Variants in KCNN2 observed in about 807,000 individuals in gnomAD.
KCNN2 encodes potassium calcium-activated channel subfamily N member 2, also known as small conductance calcium-activated potassium channel protein 2.
In KCNN2, 24 loss-of-function variants were observed where a neutral mutation model predicts 55.5. The ratio of observed to expected loss-of-function variants is 0.43; its 90% CI spans 0.31 to 0.61. The LOEUF is 0.61. KCNN2 is among the 20% of genes least tolerant of loss of function. The pLI is 0.08. For synonymous variants in KCNN2, 431 were observed against 336.1 expected (o/e 1.28, Z -3.09); for missense variants, 754 against 853.6 (o/e 0.88, Z 1.45).
intron 2 of KCNN2, among the ~76,000 whole-genome samples, chr5:114,331,567 C>T (rs535480003): frequency 1.3e-5 from 2 of 152,302 alleles, no homozygotes; most frequent in African/African-American, 4.8e-5. Context: ...GCAGAATGCA[C>T]TATGCAAATT....
At chr5:114,232,938 T>TTTTTTTTTTTTTTTTTA (rs1399367540) in intron 2 of KCNN2, among the ~76,000 whole-genome samples, 1 of 116,998 alleles carries the variant, frequency 8.5e-6, no homozygotes, top group East Asian at 2.9e-4. Flanking sequence ...TTTTTTTTTT[T>TTTTTTTTTTTTTTTTTA]GAGACGGAGT....
intron 1 of KCNN2, 79 bp from the exon 2 acceptor site, chr5:114,363,827 G>A: frequency 1.0e-6 from 1 of 963,172 alleles, no homozygotes. Context: ...ACCTGTGGGG[G>A]ACTGACTGAC....
Position 114,373,640 on chromosome 5 carries a change from T to TTATATATATATATATATATATATATA in KCNN2, c.1218+9657_1218+9658insTATATATATATATATATATATATATA, listed in dbSNP as rs61356539. Among the ~76,000 whole-genome samples the TTATATATATATATATATATATATATA allele has an allele frequency of 3.6e-3, 204 of 56,650 alleles. 33 individuals carry two copies. Among genetic ancestry groups the TTATATATATATATATATATATATATA allele is most frequent in the East Asian group, 0.018 (13 of 732 alleles). 37.2% of individuals were successfully genotyped at this position (56,650 alleles called of 152,430 possible). On this transcript the variant is annotated intron_variant, in intron 2 of 7. Transcript: ENST00000673685. ...CTCTCATGGTGTTGTTATGAAGATT[T>TTATATATATATATATATATATATATA]TATATATATATATATATAAAATTAC...
intron 1 of KCNN2, among the ~76,000 whole-genome samples, chr5:114,117,036 A>G (rs971525386): frequency 1.2e-4 from 19 of 152,234 alleles, no homozygotes; most frequent in African/African-American, 4.6e-4. Flanking sequence ...GACCTTCACA[A>G]TGGTAGACAT....
chr5:114,201,600 C>A (rs752022631), intron 1 of KCNN2, among the ~76,000 whole-genome samples: 2 of 152,126 alleles, frequency 1.3e-5, no homozygotes, highest in African/African-American at 2.4e-5. Context: ...CTTGACCAAG[C>A]AATGGCTGTG....
chr5:114,252,309 A>C lies in KCNN2; in HGVS notation c.-185+30744A>C, dbSNP rs974765975. Among the ~76,000 whole-genome samples the C allele has an allele frequency of 3.3e-5, 5 of 152,240 alleles. No homozygotes were observed. The South Asian group carries it at 6.2e-4, about 19-fold the overall frequency. On this transcript the variant is annotated intron_variant, in intron 2 of 10. Transcript: ENST00000512097. ...TATAATAAAAATATAGTAAAGTAAT[A>C]GAATACAGAGAAACTTATATGAAGA...
intron 1 of KCNN2, among the ~76,000 whole-genome samples, chr5:114,099,661 AT>A (rs1215557196): frequency 2.0e-5 from 3 of 152,058 alleles, no homozygotes; most frequent in Non-Finnish European, 4.4e-5. Context: ...TTCACTTCAT[AT>A]TTAGAGTTCA....
intron 1 of KCNN2, among the ~76,000 whole-genome samples, chr5:114,096,033 T>G (rs766595116): frequency 1.3e-5 from 2 of 152,126 alleles, no homozygotes; most frequent in Middle Eastern, 6.4e-3. Flanking sequence ...TGCCATACCT[T>G]GAAGTCCCCT....
At chr5:114,341,891 G>A (rs574185585) in intron 2 of KCNN2, among the ~76,000 whole-genome samples, 31 of 149,796 alleles carry the variant, frequency 2.1e-4, no homozygotes, top group African/African-American at 7.4e-4. Flanking sequence ...ACACTAGAAA[G>A]TTTTCATAAT....
chr5:114,468,222 G>T (rs1482913182), intron 4 of KCNN2, among the ~76,000 whole-genome samples: 1 of 152,098 alleles, frequency 6.6e-6, no homozygotes, highest in African/African-American at 2.4e-5. Context: ...AGGAAACCTT[G>T]TAAAACTCCA....
intron 1 of KCNN2, among the ~76,000 whole-genome samples, chr5:114,123,180 C>G (rs1318752937): frequency 1.3e-5 from 2 of 152,098 alleles, no homozygotes; most frequent in African/African-American, 4.8e-5. Context: ...CTCTAATTCA[C>G]TGTAATTTTT....
intron 2 of KCNN2, among the ~76,000 whole-genome samples, chr5:114,302,340 C>T (rs1329126100): frequency 1.3e-5 from 2 of 152,048 alleles, no homozygotes; most frequent in Non-Finnish European, 2.9e-5. Context: ...TTTGTTCATT[C>T]CAAAGACATT....
At chr5:114,367,529 A>T (rs1037452673) in intron 2 of KCNN2, among the ~76,000 whole-genome samples, 7 of 152,208 alleles carry the variant, frequency 4.6e-5, no homozygotes, top group Non-Finnish European at 7.3e-5. Flanking sequence ...GACAAAAGAA[A>T]ACATAATAGC....
At chr5:114,476,594 A>G (rs1336061617) in intron 5 of KCNN2, among the ~76,000 whole-genome samples, 1 of 151,890 alleles carries the variant, frequency 6.6e-6, no homozygotes, top group Middle Eastern at 3.4e-3. Flanking sequence ...AATTTTTTGT[A>G]TTTTTAGTGG....
intron 1 of KCNN2, among the ~76,000 whole-genome samples, chr5:114,116,444 A>G (rs1751709859): frequency 1.3e-5 from 2 of 152,144 alleles, no homozygotes; most frequent in Admixed American, 6.5e-5. Context: ...CTCCTTATTA[A>G]CATTGATTTT....
chr5:114,278,994 C>G (rs946599184), intron 2 of KCNN2, among the ~76,000 whole-genome samples: 1 of 143,622 alleles, frequency 7.0e-6, no homozygotes, highest in African/African-American at 2.6e-5. Context: ...CCTGTTTGGC[C>G]TTCTTGGAAG....
At chr5:114,423,992 A>C (rs1759544732) in intron 3 of KCNN2, among the ~76,000 whole-genome samples, 1 of 152,310 alleles carries the variant, frequency 6.6e-6, no homozygotes, top group South Asian at 2.1e-4. Context: ...GAAGGGTTGC[A>C]GTTGGAAATT....
chr5:114,275,248 G>A (rs3112757), intron 2 of KCNN2, among the ~76,000 whole-genome samples: 136,558 of 152,194 alleles, frequency 0.9, 61,667 homozygotes, highest in East Asian at 0.94. Flanking sequence ...GTATTTTATT[G>A]AGGATTTTTA....
chr5:114,388,519 C>G (rs916943136), intron 2 of KCNN2, among the ~76,000 whole-genome samples: 15 of 152,170 alleles, frequency 9.9e-5, no homozygotes, highest in Middle Eastern at 3.4e-3. Context: ...TTGACTTTCT[C>G]CAAATTAATC....
Sources: allele counts gnomAD v4.1 joint callset (sites outside exome capture counted in the v4.1 genomes callset), GRCh38; gene constraint gnomAD v4.1.1; transcripts MANE v1.5; gene names NCBI Gene and HGNC (gene_info 2026-07-23, HGNC 2026-07-21).